Variants in CAND1 observed in about 807,000 individuals in gnomAD.
CAND1 encodes cullin-associated NEDD8-dissociated protein 1.
CAND1 carries 7 observed loss-of-function variants against 108.5 expected under a neutral mutation model. The ratio of observed to expected loss-of-function variants is 0.06; its 90% CI spans 0.04 to 0.12. CAND1 has a LOEUF of 0.12. Among genes scored for constraint, CAND1 ranks in the 10% least tolerant of loss-of-function variants. CAND1 has a pLI of 1.00. For synonymous variants in CAND1, 534 were observed against 512.0 expected (o/e 1.04, Z -0.58); for missense variants, 941 against 1,448.7 (o/e 0.65, Z 5.69).
At chr12:67,301,922 G>C (rs2044828360) in intron 7 of CAND1, among the ~76,000 whole-genome samples, 1 of 151,994 alleles carries the variant, frequency 6.6e-6, no homozygotes, top group Non-Finnish European at 1.5e-5. Context: ...CTGATTGTTT[G>C]CTTGATTTTT....
At chr12:67,274,168 C>T (rs2044548479) in intron 1 of CAND1, among the ~76,000 whole-genome samples, 1 of 152,006 alleles carries the variant, frequency 6.6e-6, no homozygotes, top group Admixed American at 6.5e-5. Flanking sequence ...ATATTTCATG[C>T]TAGAAGATGC....
In CAND1 at chr12:67,319,872, A is replaced by G. The variant is rs1023886836; in HGVS notation, c.*7042A>G. ...TTGGGCCTTCCTTCTTGCTCTATATATGGTTTTGGATTCATTCCTTTTAAA... is the reference window on the plus strand; with the variant it reads ...TTGGGCCTTCCTTCTTGCTCTATATGTGGTTTTGGATTCATTCCTTTTAAA... On this transcript the variant is annotated 3_prime_UTR_variant, in exon 15 of 15. Transcript: ENST00000545606. 6.6e-6 allele frequency: 1 copy of G among 152,144 alleles called. No homozygotes were observed. The highest frequency in any genetic ancestry group is 6.5e-5 in the Admixed American group (1 of 15,274). 9.4% of individuals were successfully genotyped at this position (152,144 alleles called of 1,614,324 possible).
intron 1 of CAND1, among the ~76,000 whole-genome samples, chr12:67,279,808 A>C (rs1416503242): frequency 2.0e-5 from 3 of 152,208 alleles, no homozygotes; most frequent in African/African-American, 7.2e-5. Context: ...ACCATAAAAC[A>C]ACTTTTTACT....
In CAND1 at chr12:67,269,804, C is replaced by T. The variant is rs751462766; in HGVS notation, c.68+19C>T. ...ACTTTAGGTGAGGCCGAGATCCGAC[C>T]CTCACCCCACCTCGGGGTTCTCGCA... On this transcript the variant is annotated intron_variant, in intron 1 of 14. Transcript: ENST00000545606. The T allele has an allele frequency of 2.5e-6, 4 of 1,593,470 alleles. No homozygotes were observed. Among genetic ancestry groups the T allele is most frequent in the East Asian group, 2.3e-5 (1 of 42,958 alleles).
intron 8 of CAND1, among the ~76,000 whole-genome samples, chr12:67,303,609 G>T (rs572330386): frequency 6.6e-6 from 1 of 152,122 alleles, no homozygotes; most frequent in Non-Finnish European, 1.5e-5. Context: ...TAGTTTGGTT[G>T]TTGGGATTTT....
Position 67,289,595 on chromosome 12 carries a change from C to G in CAND1, c.213-3027C>G, listed in dbSNP as rs905332149. Reference sequence around the variant, plus strand: ...AGAGACAGGGTTTCACCATGTTGCCCAGGCTGGGCAAGCTCAAGGAGCCCA... The same window carrying G: ...AGAGACAGGGTTTCACCATGTTGCCGAGGCTGGGCAAGCTCAAGGAGCCCA... On this transcript the variant is annotated intron_variant, in intron 2 of 14. Coordinates refer to ENST00000545606, the MANE Select transcript of CAND1 (RefSeq NM_018448.5). 3.9e-5 allele frequency among the ~76,000 whole-genome samples: 6 copies of G among 152,186 alleles called. 1 individual carries two copies. The South Asian group carries it at 1.2e-3, about 31-fold the overall frequency.
intron 10 of CAND1, 54 bp from the exon 11 acceptor site, chr12:67,307,343 C>A: frequency 1.6e-6 from 2 of 1,240,698 alleles, no homozygotes; most frequent in South Asian, 2.5e-5. Flanking sequence ...AAAATGATGT[C>A]CGTGAGTTTT....
At position 67,318,347 on chromosome 12, in the gene CAND1, AGCTGTTAGACTTGG is replaced by A. The variant is rs2045028924; in HGVS notation, c.*5520_*5533del. The A allele has an allele frequency of 6.6e-6, 1 of 152,374 alleles. No homozygotes were observed. Among genetic ancestry groups the A allele is most frequent in the African/African-American group, 2.4e-5 (1 of 41,596 alleles). The allele number at this position is 152,374 out of a possible 1,614,324, so 9.4% of individuals were successfully genotyped here. ...CATATTAGTTTGAATCCTGGCTGTT[AGCTGTTAGACTTGG>A]GCAAATAATTTAACCTCAACTTTCC... On this transcript the variant is annotated 3_prime_UTR_variant, in exon 15 of 15. Coordinates refer to ENST00000545606, the MANE Select transcript of CAND1 (RefSeq NM_018448.5).
chr12:67,300,514 C>T (rs1254564353), intron 7 of CAND1, among the ~76,000 whole-genome samples: 2 of 152,060 alleles, frequency 1.3e-5, no homozygotes, highest in Non-Finnish European at 2.9e-5. Context: ...CAGAATGGTA[C>T]CTCTATTCTT....
rs769967193 is a variant in CAND1 at position 67,305,122 on chromosome 12, A to G, written c.1454A>G (p.Asn485Ser). The G allele has an allele frequency of 1.9e-6, 3 of 1,609,186 alleles. No individual in the cohort carries two copies. In the South Asian group the frequency reaches 3.3e-5, roughly 18 times the overall value. ...TTTTTAGGAATCATTTTCTCACTGA[A>G]TGATAAATCAAGCTCATCGAATTTG... ...VLVPGIIFSL[N>S]DKSSSSNLKI... Residue 485 changes from asparagine to serine, a missense_variant, in exon 10 of 15, where the codon AAT becomes AGT. Asn to Ser is a conservative substitution (Grantham distance 46). Around this residue, in one of 9 missense-constraint regions of CAND1, gnomAD observed 697 missense variants for 942.0 expected, o/e 0.74. Transcript: ENST00000545606. The surrounding 1 kb of genome is among the most constrained non-coding windows in gnomAD (Gnocchi z 4.4).
At chr12:67,278,222 C>T (rs1411991896) in intron 1 of CAND1, among the ~76,000 whole-genome samples, 2 of 151,982 alleles carry the variant, frequency 1.3e-5, no homozygotes, top group Admixed American at 6.6e-5. Flanking sequence ...CTGCAACCTC[C>T]ACTGCCCGGC....
At chr12:67,301,545 A>T (rs2044824915) in intron 7 of CAND1, among the ~76,000 whole-genome samples, 3 of 152,162 alleles carry the variant, frequency 2.0e-5, no homozygotes, top group Non-Finnish European at 4.4e-5. Context: ...TTTCACACAC[A>T]TGTTATCCAT....
At chr12:67,288,995 A>G in intron 2 of CAND1, among the ~76,000 whole-genome samples, 1 of 151,932 alleles carries the variant, frequency 6.6e-6, no homozygotes, top group East Asian at 1.9e-4. Context: ...CTTGAAATAT[A>G]TTTTCTCTGA....
chr12:67,270,022 C>T, intron 1 of CAND1: 2 of 497,534 alleles, frequency 4.0e-6, no homozygotes, highest in South Asian at 5.8e-5. Flanking sequence ...TCTCTAGGCC[C>T]CGTTTGCTTG....
At position 67,313,863 on chromosome 12, in the gene CAND1, G is replaced by T. The variant is rs1026036386; in HGVS notation, c.*1033G>T. 1 of 152,500 alleles carries T rather than the reference G, an allele frequency of 6.6e-6. No homozygotes were observed. Among genetic ancestry groups the T allele is most frequent in the African/African-American group, 2.4e-5 (1 of 41,418 alleles). 9.4% of individuals were successfully genotyped at this position (152,500 alleles called of 1,614,324 possible). A position where few individuals can be genotyped will look rare whatever the true frequency, so the allele number is the denominator to read the frequency against. On this transcript the variant is annotated 3_prime_UTR_variant, in exon 15 of 15. Transcript: ENST00000545606. ...GAAAATTCTGAAGCCAGCTATCACAGGTTTGTTAGCTAATAATAGTATTTT... is the reference window on the plus strand; with the variant it reads ...GAAAATTCTGAAGCCAGCTATCACATGTTTGTTAGCTAATAATAGTATTTT...
rs764222405 is a variant in CAND1 at position 67,281,956 on chromosome 12, A to G, written c.115A>G (p.Ile39Val). ...GATGACGGAACTGCAGAAAGATTCCATCAAGTTGGATGATGATAGTGAAAG... is the reference window on the plus strand; with the variant it reads ...GATGACGGAACTGCAGAAAGATTCCGTCAAGTTGGATGATGATAGTGAAAG... ...DLMTELQKDS[I>V]KLDDDSERKV... The change falls in exon 2 of 15, where the codon ATC (isoleucine) becomes GTC (valine). Residue 39 changes from isoleucine to valine, a missense_variant. Coordinates refer to ENST00000545606, the MANE Select transcript of CAND1 (RefSeq NM_018448.5). 1 of 1,611,358 alleles carries G rather than the reference A, an allele frequency of 6.2e-7. No individual in the cohort carries two copies. The highest frequency in any genetic ancestry group is 8.5e-7 in the Non-Finnish European group (1 of 1,178,158).
chr12:67,272,461 GAAAT>G lies in CAND1; in HGVS notation c.68+2677_68+2680del, dbSNP rs199600752. On this transcript the variant is annotated intron_variant, in intron 1 of 14. Coordinates refer to ENST00000545606, the MANE Select transcript of CAND1 (RefSeq NM_018448.5). ...AGTTCATTAATACAGAGAAGGTAAA[GAAAT>G]GAATGCAGGCTTAAAAATTTGGAAA... Among the ~76,000 whole-genome samples the G allele has an allele frequency of 1.1e-3, 170 of 152,288 alleles. 3 individuals carry two copies. The East Asian group carries it at 0.013, about 11-fold the overall frequency.
Position 67,305,748 on chromosome 12 carries a change from C to T in CAND1, c.2080C>T (p.Leu694=), listed in dbSNP as rs548374303. 6 of 1,614,178 alleles carry T rather than the reference C, an allele frequency of 3.7e-6. No homozygotes were observed. The highest frequency in any genetic ancestry group is 3.3e-5 in the South Asian group (3 of 91,082). The change falls in exon 10 of 15, where the codon CTA becomes TTA. Residue 694 remains leucine, a synonymous_variant. Coordinates refer to ENST00000545606, the MANE Select transcript of CAND1 (RefSeq NM_018448.5). This position sits in a 1 kb window ranked among gnomAD's most constrained non-coding sequence, Gnocchi z 4.4. The part of the protein sequence containing the change: ...SLTAAMIDAV[L]DELPPLISES... The stretch of plus-strand genomic sequence containing the variant: ...GACAGCTGCCATGATTGATGCAGTT[C>T]TAGATGAGCTCCCACCTCTTATCAG...
chr12:67,287,289 C>T (rs142895719), intron 2 of CAND1, among the ~76,000 whole-genome samples: 171 of 152,304 alleles, frequency 1.1e-3, no homozygotes, highest in African/African-American at 4.0e-3. Context: ...TCTCTAGCTT[C>T]ATTCTTCCTT....
Sources: gnomAD v4.1 joint callset for allele counts (sites outside exome capture counted in the v4.1 genomes callset) on GRCh38, gnomAD v4.1.1 for gene constraint, gnomAD v4.1.1 regional missense constraint, Gnocchi (gnomAD v3.1) non-coding constraint, MANE v1.5 for transcripts, NCBI Gene and HGNC (gene_info 2026-07-23, HGNC 2026-07-21) for gene names.